Variants in RBMS1 observed in about 807,000 individuals in gnomAD.
RBMS1 encodes the protein RNA-binding motif, single-stranded-interacting protein 1.
RBMS1 carries 17 observed loss-of-function variants against 62.3 expected under a neutral mutation model. That is an observed-to-expected ratio of 0.27 (90% CI 0.19 to 0.41). RBMS1 has a LOEUF of 0.41. Ranked by LOEUF, RBMS1 falls within the 10% of genes least tolerant of loss-of-function variation. The probability of loss-of-function intolerance (pLI) is 1.00; values close to 1 mark genes in which losing one functional copy is unlikely to be tolerated. For missense variants in RBMS1, 334 were observed against 504.5 expected (o/e 0.66, Z 3.24); for synonymous variants, 172 against 170.0 (o/e 1.01, Z -0.09).
intron 3 of RBMS1, among the ~76,000 whole-genome samples, chr2:160,316,132 T>C (rs1274120855): frequency 4.6e-5 from 7 of 152,210 alleles, no homozygotes; most frequent in Non-Finnish European, 2.9e-5. Flanking sequence ...TCTATCTACC[T>C]ATCACGTCAA....
At chr2:160,384,025 G>A (rs575306401) in intron 1 of RBMS1, among the ~76,000 whole-genome samples, 189 of 152,176 alleles carry the variant, frequency 1.2e-3, no homozygotes, top group African/African-American at 4.4e-3. Context: ...GTGAAACCCC[G>A]TCTCTACTAA....
intron 1 of RBMS1, among the ~76,000 whole-genome samples, chr2:160,418,178 A>T (rs954931679): frequency 6.6e-6 from 1 of 152,254 alleles, no homozygotes; most frequent in Admixed American, 6.5e-5. Flanking sequence ...AGTTGCAAAC[A>T]TACCTTGAGA....
intron 6 of RBMS1, among the ~76,000 whole-genome samples, chr2:160,294,434 A>G (rs1056161374): frequency 1.3e-5 from 2 of 152,176 alleles, no homozygotes; most frequent in Non-Finnish European, 2.9e-5. Flanking sequence ...TGAGGGACCC[A>G]GCCATGCCAC....
intron 2 of RBMS1, among the ~76,000 whole-genome samples, chr2:160,330,618 G>GC (rs113876580): frequency 7.1e-6 from 1 of 141,498 alleles, no homozygotes; most frequent in Non-Finnish European, 1.5e-5. Flanking sequence ...ATGAAAATAT[G>GC]TTTTTTTTTT....
intron 1 of RBMS1, among the ~76,000 whole-genome samples, chr2:160,385,702 T>C (rs985159441): frequency 9.2e-5 from 14 of 152,218 alleles, no homozygotes; most frequent in Non-Finnish European, 1.9e-4. Flanking sequence ...GCCCACGTGT[T>C]CTGTTCGGGG....
At chr2:160,440,280 C>T (rs1683358759) in intron 1 of RBMS1, among the ~76,000 whole-genome samples, 1 of 152,058 alleles carries the variant, frequency 6.6e-6, no homozygotes, top group Non-Finnish European at 1.5e-5. Flanking sequence ...ACATGAACTT[C>T]ATCTCCTATC....
intron 2 of RBMS1, among the ~76,000 whole-genome samples, chr2:160,347,557 C>G (rs1692253593): frequency 6.6e-6 from 1 of 152,040 alleles, no homozygotes; most frequent in African/African-American, 2.4e-5. Flanking sequence ...TGGTGGTGAA[C>G]ACAAGACAGT....
In RBMS1 at chr2:160,367,203, A is replaced by T. The variant is rs761845957; in HGVS notation, c.251+13T>A. 1.8e-5 allele frequency: 29 copies of T among 1,608,418 alleles called. No individual in the cohort carries two copies. The highest frequency in any genetic ancestry group is 2.0e-4 in the Middle Eastern group (1 of 5,068). ...ACTTAGCAGCTAAAATAATAGGAAC[A>T]ACTACTACTTACGGTTGACAGAGCT... On this transcript the variant is annotated intron_variant, in intron 2 of 13. Transcript: ENST00000348849.
At chr2:160,400,335 GAAAC>G (rs138883546) in intron 1 of RBMS1, among the ~76,000 whole-genome samples, 8,294 of 127,532 alleles carry the variant, frequency 0.065, 353 homozygotes, top group African/African-American at 0.14. Context: ...AAAAACGAAA[GAAAC>G]AAAATGAAAA....
At chr2:160,486,876 GT>G (rs1685621085) in intron 1 of RBMS1, among the ~76,000 whole-genome samples, 1 of 152,122 alleles carries the variant, frequency 6.6e-6, no homozygotes, top group African/African-American at 2.4e-5. Flanking sequence ...AAGCTAATCA[GT>G]TAGGAGAAAT....
At chr2:160,391,091 G>A (rs1310993065) in intron 1 of RBMS1, among the ~76,000 whole-genome samples, 1 of 151,482 alleles carries the variant, frequency 6.6e-6, no homozygotes, top group Non-Finnish European at 1.5e-5. Context: ...TGAATTGTAT[G>A]CACCCAAGAA....
chr2:160,283,223 C>T (rs920708527), intron 9 of RBMS1: 1 of 152,222 alleles, frequency 6.6e-6, no homozygotes, highest in African/African-American at 2.4e-5. Flanking sequence ...ATAACTTACA[C>T]TTGCCCCTAT....
intron 2 of RBMS1, among the ~76,000 whole-genome samples, chr2:160,359,178 A>G (rs1184062142): frequency 2.6e-5 from 4 of 152,176 alleles, no homozygotes; most frequent in Non-Finnish European, 4.4e-5. Flanking sequence ...TATCTTAAAG[A>G]GAAGCTATTT....
At chr2:160,369,958 T>G (rs1404256904) in intron 1 of RBMS1, among the ~76,000 whole-genome samples, 1 of 152,226 alleles carries the variant, frequency 6.6e-6, no homozygotes, top group Non-Finnish European at 1.5e-5. Flanking sequence ...GATTTACATA[T>G]CTGAATTTAC....
intron 1 of RBMS1, among the ~76,000 whole-genome samples, chr2:160,443,131 A>C (rs1683481837): frequency 6.6e-6 from 1 of 151,488 alleles, no homozygotes; most frequent in Non-Finnish European, 1.5e-5. Context: ...GCTGGAACCC[A>C]GGAGGCGGAG....
At chr2:160,326,996 C>A (rs536503102) in intron 2 of RBMS1, among the ~76,000 whole-genome samples, 2 of 152,296 alleles carry the variant, frequency 1.3e-5, no homozygotes, top group African/African-American at 4.8e-5. Flanking sequence ...AGATGCAAAG[C>A]CTGCAGATTT....
Position 160,367,318 on chromosome 2 carries a change from C to G in RBMS1, c.149G>C (p.Ser50Thr). 6.2e-7 allele frequency: 1 copy of G among 1,613,538 alleles called. No homozygotes were observed. The highest frequency in any genetic ancestry group is 8.5e-7 in the Non-Finnish European group (1 of 1,179,792). Reference protein sequence around the residue: ...STTSSNNNSSSSSNSGWDQLS... With the variant: ...STTSSNNNSSTSSNSGWDQLS... ...CTGATCCCATCCTGAGTTGCTACTG[C>G]TGCTACTGTTGTTATTACTGCTGGT... The change falls in exon 2 of 14, where the codon AGC becomes ACC. Residue 50 changes from serine to threonine, a missense_variant. Ser to Thr is a moderately conservative substitution (Grantham distance 58). Around this residue, in one of 3 missense-constraint regions of RBMS1, gnomAD observed 150 missense variants for 228.0 expected, o/e 0.66. Coordinates refer to ENST00000348849, the MANE Select transcript of RBMS1 (RefSeq NM_016836.4).
chr2:160,330,618 GT>G (rs71003488), intron 2 of RBMS1, among the ~76,000 whole-genome samples: 3,505 of 141,478 alleles, frequency 0.025, 137 homozygotes, highest in African/African-American at 0.081. Flanking sequence ...ATGAAAATAT[GT>G]TTTTTTTTTT....
intron 1 of RBMS1, among the ~76,000 whole-genome samples, chr2:160,449,304 G>C (rs1472654273): frequency 4.6e-5 from 7 of 151,942 alleles, no homozygotes; most frequent in Admixed American, 3.3e-4. Flanking sequence ...CCTCTGCCCG[G>C]CCGCCACCCC....
Sources: gnomAD v4.1 joint callset for allele counts (sites outside exome capture counted in the v4.1 genomes callset) on GRCh38, gnomAD v4.1.1 for gene constraint, gnomAD v4.1.1 regional missense constraint, MANE v1.5 for transcripts, NCBI Gene and HGNC (gene_info 2026-07-23, HGNC 2026-07-21) for gene names.